The following ARHGAP22 variants were observed in gnomAD, a reference collection of about 807,000 sequenced individuals.
ARHGAP22 encodes Rho GTPase activating protein 22.
In ARHGAP22, 48 loss-of-function variants were observed where a neutral mutation model predicts 59.1. The ratio of observed to expected loss-of-function variants is 0.81; its 90% CI spans 0.64 to 1.03. The LOEUF (loss-of-function observed/expected upper bound fraction) is 1.03, where lower values mean the gene tolerates loss of function less well. ARHGAP22 is among the 50% of genes least tolerant of loss of function. The pLI is 0.00. For missense variants in ARHGAP22, 1,015 were observed against 958.7 expected, an observed-to-expected ratio of 1.06 and a Z score of -0.78; for synonymous variants, 445 against 416.4, an observed-to-expected ratio of 1.07 and a Z score of -0.84.
chr10:48,585,509 T>C (rs4320911), intron 1 of ARHGAP22, among the ~76,000 whole-genome samples: 11,586 of 152,282 alleles, frequency 0.076, 478 homozygotes, highest in Middle Eastern at 0.11. Flanking sequence ...AACTGTCATA[T>C]GGCCTGGGGT....
At chr10:48,588,848 C>T (rs1012069931) in intron 1 of ARHGAP22, among the ~76,000 whole-genome samples, 1 of 152,180 alleles carries the variant, frequency 6.6e-6, no homozygotes, top group African/African-American at 2.4e-5. Context: ...TGGATGCTGA[C>T]CCTGAGGTGC....
At chr10:48,604,487 G>C (rs1324432642) in intron 1 of ARHGAP22, among the ~76,000 whole-genome samples, 2 of 152,210 alleles carry the variant, frequency 1.3e-5, no homozygotes, top group Admixed American at 6.5e-5. Context: ...AGCGACCGAG[G>C]GCCTCTGTAA....
At chr10:48,612,114 C>A (rs751293410) in intron 1 of ARHGAP22, among the ~76,000 whole-genome samples, 12 of 151,964 alleles carry the variant, frequency 7.9e-5, no homozygotes, top group Non-Finnish European at 1.3e-4. Flanking sequence ...AGCCACCACA[C>A]CCAGCCAACT....
At chr10:48,618,531 G>A (rs1178793317) in intron 1 of ARHGAP22, among the ~76,000 whole-genome samples, 2 of 152,090 alleles carry the variant, frequency 1.3e-5, no homozygotes, top group Admixed American at 6.6e-5. Flanking sequence ...GGATGCAAGT[G>A]TGGTTCAACA....
chr10:48,587,478 C>T (rs1472324307), intron 1 of ARHGAP22, among the ~76,000 whole-genome samples: 3 of 151,994 alleles, frequency 2.0e-5, no homozygotes, highest in African/African-American at 7.3e-5. Flanking sequence ...AGTGCCTGGG[C>T]TTTTTTTTGT....
chr10:48,648,348 T>C (rs1219496294), intron 1 of ARHGAP22, among the ~76,000 whole-genome samples: 3 of 152,158 alleles, frequency 2.0e-5, no homozygotes, highest in Non-Finnish European at 2.9e-5. Context: ...GGGACTGCAC[T>C]TCCTGGGCCC....
At chr10:48,441,082 C>A (rs1252106499), downstream of ARHGAP22, among the ~76,000 whole-genome samples, 1 of 152,188 alleles carries the variant, frequency 6.6e-6, no homozygotes, top group African/African-American at 2.4e-5. Flanking sequence ...GTATCAACTC[C>A]AACTTACCGC....
Position 48,455,064 on chromosome 10 carries a change from G to C in ARHGAP22, c.730C>G (p.Pro244Ala). Reference protein sequence around the residue: ...YLRELPEPVVPFARYEDFLSC... With the variant: ...YLRELPEPVVAFARYEDFLSC... ...AGGAAGTCCTCGTACCTGGCGAAGG[G>C]GACCACGGGCTCGGGGAGCTCCCGC... The change falls in exon 6 of 10, where the codon CCC becomes GCC. Residue 244 changes from proline (P) to alanine (A), a missense_variant. Physicochemically the swap from Pro to Ala is conservative, Grantham distance 27 (BLOSUM62 -1). Coordinates refer to ENST00000249601, the MANE Select transcript of ARHGAP22 (RefSeq NM_021226.4). The C allele has an allele frequency of 6.2e-7, 1 of 1,612,518 alleles. No individual in the cohort carries two copies. Among genetic ancestry groups the C allele is most frequent in the Non-Finnish European group, 8.5e-7 (1 of 1,179,580 alleles).
At chr10:48,563,952 T>C (rs2057880784) in intron 2 of ARHGAP22, among the ~76,000 whole-genome samples, 1 of 152,172 alleles carries the variant, frequency 6.6e-6, no homozygotes, top group Non-Finnish European at 1.5e-5. Context: ...TAACAAGGAA[T>C]TAATAGAAGA....
At chr10:48,523,910 G>C (rs2054067898) in intron 3 of ARHGAP22, 1 of 566,386 alleles carries the variant, frequency 1.8e-6, no homozygotes, top group Non-Finnish European at 2.6e-6. Context: ...AGACTCAGAG[G>C]AGCAGCAGCC....
the ARHGAP22 span, chr10:48,431,330 G>C: frequency 8.8e-7 from 1 of 1,132,296 alleles, no homozygotes. Context: ...GTAATCTTCA[G>C]TGGCCTGAAA....
intron 3 of ARHGAP22, among the ~76,000 whole-genome samples, chr10:48,503,962 C>T (rs1172371543): frequency 2.0e-5 from 3 of 152,246 alleles, no homozygotes; most frequent in Non-Finnish European, 2.9e-5. Context: ...CCCCAACTAA[C>T]AGTGTGTCTT....
chr10:48,484,528 A>G (rs1266809281), intron 3 of ARHGAP22, among the ~76,000 whole-genome samples: 1 of 152,232 alleles, frequency 6.6e-6, no homozygotes, highest in African/African-American at 2.4e-5. Flanking sequence ...TTGTTTTCAA[A>G]CCTAGAAGTT....
chr10:48,603,487 A>T (rs1373859834), intron 1 of ARHGAP22, among the ~76,000 whole-genome samples: 1 of 152,212 alleles, frequency 6.6e-6, no homozygotes, highest in Non-Finnish European at 1.5e-5. Flanking sequence ...TTTTTGTACT[A>T]AATCATCAAA....
intron 3 of ARHGAP22, among the ~76,000 whole-genome samples, chr10:48,543,273 G>A (rs1374968197): frequency 6.6e-6 from 1 of 152,156 alleles, no homozygotes; most frequent in Non-Finnish European, 1.5e-5. Flanking sequence ...CTGCAGGGAA[G>A]CGGGGTGGCC....
At chr10:48,605,197 C>A (rs2060618452), upstream of ARHGAP22, 5 of 1,073,646 alleles carry the variant, frequency 4.7e-6, no homozygotes, top group South Asian at 2.9e-5. Context: ...GCGGTCCTGG[C>A]CCGGGAGAGG....
At chr10:48,590,014 A>G (rs1344473932) in intron 1 of ARHGAP22, among the ~76,000 whole-genome samples, 1 of 152,106 alleles carries the variant, frequency 6.6e-6, no homozygotes, top group Non-Finnish European at 1.5e-5. Context: ...TTATGTGTCA[A>G]TTATAAACAA....
chr10:48,529,248 G>A (rs1450207129), intron 3 of ARHGAP22, among the ~76,000 whole-genome samples: 1 of 152,182 alleles, frequency 6.6e-6, no homozygotes, highest in African/African-American at 2.4e-5. Context: ...AGAGATGTGG[G>A]CCGAACACAG....
At chr10:48,531,618 A>C (rs1460160204) in intron 3 of ARHGAP22, among the ~76,000 whole-genome samples, 1 of 152,008 alleles carries the variant, frequency 6.6e-6, no homozygotes, top group Non-Finnish European at 1.5e-5. Context: ...AATCCTATGC[A>C]TTCGATGTCA....
Sources: allele counts gnomAD v4.1 joint callset (sites outside exome capture counted in the v4.1 genomes callset), GRCh38; gene constraint gnomAD v4.1.1; transcripts MANE v1.5; gene names NCBI Gene and HGNC (gene_info 2026-07-23, HGNC 2026-07-21).